Variants in PSMD11 observed in about 807,000 individuals in gnomAD.
The protein encoded by PSMD11 is proteasome 26S subunit, non-ATPase 11.
PSMD11 carries 5 observed loss-of-function variants against 62.3 expected under a neutral mutation model. The observed-to-expected ratio is 0.08, with a 90% CI of 0.04 to 0.17. The LOEUF (loss-of-function observed/expected upper bound fraction) is 0.17, where lower values mean the gene tolerates loss of function less well. PSMD11 is among the 10% of genes least tolerant of loss of function. The pLI is 1.00. For synonymous variants in PSMD11, 191 were observed against 191.8 expected (o/e 1.00, Z 0.03); for missense variants, 310 against 512.9 (o/e 0.60, Z 3.82).
chr17:32,444,704 C>T, intron 1 of PSMD11, 90 bp downstream of exon 1: 1 of 1,503,752 alleles, frequency 6.7e-7, no homozygotes. Context: ...GGCTAGCCGG[C>T]TCTGATGCTG....
intron 2 of PSMD11, among the ~76,000 whole-genome samples, chr17:32,451,120 CAA>C (rs68054446): frequency 2.7e-4 from 29 of 106,338 alleles, no homozygotes; most frequent in South Asian, 1.2e-3. Flanking sequence ...GGCTCTTTCT[CAA>C]AAAAAAAAAA....
intron 6 of PSMD11, among the ~76,000 whole-genome samples, chr17:32,470,774 A>G (rs1194710997): frequency 1.3e-5 from 2 of 152,314 alleles, no homozygotes; most frequent in Non-Finnish European, 2.9e-5. Context: ...GAGATGTGGA[A>G]AAATGGAGAT....
At chr17:32,479,638 C>T in intron 10 of PSMD11, 1 of 707,650 alleles carries the variant, frequency 1.4e-6, no homozygotes, top group South Asian at 1.9e-5. Context: ...TACCTGTTTT[C>T]TGTATTGGGT....
rs116234270 is a variant in PSMD11, at chr17:32,450,144, A to C, written c.193+3098A>C. On this transcript the variant is annotated intron_variant, in intron 2 of 13. Transcript: ENST00000261712. ...CCCGGTTAATTTCTGTATTTTTAGT[A>C]GAGGCGGAGTTTCATCATGTTGTCC... is the stretch of plus-strand genomic sequence containing the variant. 7.4e-3 allele frequency among the ~76,000 whole-genome samples: 1,124 copies of C among 152,178 alleles called. 15 individuals carry two copies. Among genetic ancestry groups the C allele is most frequent in the African/African-American group, 0.026 (1,076 of 41,506 alleles).
rs1272224512 is a variant in PSMD11 at position 32,482,965 on chromosome 17, G to C, written c.*2213G>C. 6.6e-6 allele frequency: 1 copy of C among 152,204 alleles called. No individual in the cohort carries two copies. Among genetic ancestry groups the C allele is most frequent in the African/African-American group, 2.4e-5 (1 of 41,446 alleles). 9.4% of individuals were successfully genotyped at this position (152,204 alleles called of 1,614,324 possible). ...TTGCTTCTATAAAGGACTTTAAAAA[G>C]TACTCCAAAGAGATCTAGTTTTGGA... is the stretch of plus-strand genomic sequence containing the variant. On this transcript the variant is annotated 3_prime_UTR_variant, in exon 14 of 14. Transcript: ENST00000261712.
At position 32,468,989 on chromosome 17, in the gene PSMD11, C is replaced by G. The variant is rs1908078934; in HGVS notation, c.449-10C>G. ...ATGGCTATAAAGGAGAATGTCTTTTCCTTTTTCAGGTTCTCAGCTGCTGCG... is the reference window on the plus strand; with the variant it reads ...ATGGCTATAAAGGAGAATGTCTTTTGCTTTTTCAGGTTCTCAGCTGCTGCG... On this transcript the variant is annotated splice_polypyrimidine_tract_variant and intron_variant, in intron 5 of 13. Transcript: ENST00000261712. 1.9e-6 allele frequency: 3 copies of G among 1,610,562 alleles called. No homozygotes were observed. The South Asian group carries it at 3.3e-5, about 18-fold the overall frequency.
At chr17:32,462,299 C>T (rs1907867765) in intron 3 of PSMD11, among the ~76,000 whole-genome samples, 1 of 152,188 alleles carries the variant, frequency 6.6e-6, no homozygotes, top group South Asian at 2.1e-4. Context: ...GAACTAAACA[C>T]TTATATTTCC....
chr17:32,467,192 C>T (rs1323952110), intron 5 of PSMD11, among the ~76,000 whole-genome samples: 3 of 151,460 alleles, frequency 2.0e-5, no homozygotes, highest in African/African-American at 7.3e-5. Flanking sequence ...ATCTGCCCGC[C>T]TTGGCCTCCC....
chr17:32,479,172 C>G (rs1908417264), intron 9 of PSMD11, 79 bp from the exon 10 acceptor site: 3 of 1,545,378 alleles, frequency 1.9e-6, no homozygotes, highest in Admixed American at 3.7e-5. Flanking sequence ...TAAGGGCCAG[C>G]AGACTATCTA....
At chr17:32,447,482 A>G (rs1316201494) in intron 2 of PSMD11, 1 of 155,364 alleles carries the variant, frequency 6.4e-6, no homozygotes, top group Non-Finnish European at 1.4e-5. Context: ...AATGAATAAG[A>G]CATTAAATGG....
chr17:32,453,367 G>A lies in PSMD11; in HGVS notation c.194-1128G>A, dbSNP rs141873453. 1.9e-3 allele frequency among the ~76,000 whole-genome samples: 294 copies of A among 152,298 alleles called. 10 individuals are homozygous for A. In the East Asian group the frequency reaches 0.049, roughly 25 times the overall value. Reference sequence around the variant, plus strand: ...ATTATGGCATTAGTGCCTCTTGAAAGCAGGAGTATATACTGTAGTCTTGTG... The same window carrying A: ...ATTATGGCATTAGTGCCTCTTGAAAACAGGAGTATATACTGTAGTCTTGTG... On this transcript the variant is annotated intron_variant, in intron 2 of 13. Transcript: ENST00000261712.
At chr17:32,461,844 G>C (rs934279015) in intron 3 of PSMD11, among the ~76,000 whole-genome samples, 2 of 152,020 alleles carry the variant, frequency 1.3e-5, no homozygotes, top group South Asian at 2.1e-4. Flanking sequence ...TTAGTTTTTC[G>C]TTCTGTCTTA....
In PSMD11 at chr17:32,479,883, C is replaced by T. The variant is rs1475820998; in HGVS notation, c.1071C>T (p.Ser357=). ...IEHISSLIKL[S]KADVERKLSQ... ...ACATATCTAGTCTCATCAAACTCTC[C>T]AAGGTAAGGAGTCTTAAGGCCATCT... Residue 357 remains serine, a synonymous_variant, in exon 11 of 14, where the codon TCC becomes TCT. Transcript: ENST00000261712. The T allele has an allele frequency of 1.2e-6, 2 of 1,613,386 alleles. No individual in the cohort carries two copies. Among genetic ancestry groups the T allele is most frequent in the Non-Finnish European group, 1.7e-6 (2 of 1,179,506 alleles).
rs181094287 is a variant in PSMD11, at chr17:32,466,882, T to C, written c.449-2117T>C. ...TGTTTTGCATCTCCCTAATGACTGA[T>C]GATGCTGAGCATATTTTCATGTGCT... On this transcript the variant is annotated intron_variant, in intron 5 of 13. Coordinates refer to ENST00000261712, the MANE Select transcript of PSMD11 (RefSeq NM_002815.4). Among the ~76,000 whole-genome samples, 755 of 152,332 alleles carry C rather than the reference T, an allele frequency of 5.0e-3. 5 individuals carry two copies. The highest frequency in any genetic ancestry group is 0.034 in the Middle Eastern group (10 of 294).
At chr17:32,459,438 A>G (rs542294075) in intron 3 of PSMD11, among the ~76,000 whole-genome samples, 5 of 151,884 alleles carry the variant, frequency 3.3e-5, no homozygotes, top group East Asian at 1.9e-4. Context: ...GGATTTTGCT[A>G]TGTTGCTCAG....
chr17:32,474,962 G>A, intron 8 of PSMD11, 138 bp downstream of exon 8: 2 of 810,354 alleles, frequency 2.5e-6, no homozygotes, highest in Non-Finnish European at 4.1e-6. Context: ...CTTCCCTTAA[G>A]CCCATTCAGT....
At chr17:32,479,172 C>T in intron 9 of PSMD11, 79 bp from the exon 10 acceptor site, 1 of 1,545,378 alleles carries the variant, frequency 6.5e-7, no homozygotes, top group Admixed American at 1.8e-5. Context: ...TAAGGGCCAG[C>T]AGACTATCTA....
chr17:32,464,095 G>C lies in PSMD11; in HGVS notation c.365G>C (p.Arg122Thr), dbSNP rs1471685456. Residue 122 changes from arginine to threonine, a missense_variant, in exon 4 of 14, where the codon AGA becomes ACA. Physicochemically the swap from Arg to Thr is moderately conservative, Grantham distance 71. Around this residue, in one of 6 missense-constraint regions of PSMD11, gnomAD observed 47 missense variants for 59.0 expected, o/e 0.80. Coordinates refer to ENST00000261712, the MANE Select transcript of PSMD11 (RefSeq NM_002815.4). ...ATCGAATGGGCCAAGTCAGAGAAAA[G>C]AACTTTCTTACGCCAAGCTTTGGAG... is the stretch of plus-strand genomic sequence containing the variant. The part of the protein sequence containing the change: ...ECIEWAKSEK[R>T]TFLRQALEAR... The C allele has an allele frequency of 6.2e-7, 1 of 1,613,970 alleles. No homozygotes were observed. The highest frequency in any genetic ancestry group is 1.3e-5 in the African/African-American group (1 of 74,918).
At chr17:32,455,347 C>T (rs1907618254) in intron 3 of PSMD11, among the ~76,000 whole-genome samples, 1 of 152,182 alleles carries the variant, frequency 6.6e-6, no homozygotes, top group Non-Finnish European at 1.5e-5. Context: ...ACGTGTTAGG[C>T]ACTGTTTTAG....
Sources: gnomAD v4.1 joint callset for allele counts (sites outside exome capture counted in the v4.1 genomes callset) on GRCh38, gnomAD v4.1.1 for gene constraint, gnomAD v4.1.1 regional missense constraint, MANE v1.5 for transcripts, NCBI Gene and HGNC (gene_info 2026-07-23, HGNC 2026-07-21) for gene names.